Variants in PTPRN2 observed in about 807,000 individuals in gnomAD.
The protein encoded by PTPRN2 is protein tyrosine phosphatase receptor type N2, also known as receptor-type tyrosine-protein phosphatase N2.
Under a neutral mutation model 118.8 loss-of-function variants are expected in PTPRN2, and 74 were observed. That is an observed-to-expected ratio of 0.62 (90% CI 0.52 to 0.76). The LOEUF is 0.76. Ranked by LOEUF, PTPRN2 falls within the 30% of genes least tolerant of loss-of-function variation. The pLI, the probability that PTPRN2 is intolerant of heterozygous loss-of-function variation, is 0.00. For missense variants in PTPRN2, 1,481 were observed against 1,394.4 expected (o/e 1.06, Z -0.99); for synonymous variants, 641 against 608.0 (o/e 1.05, Z -0.80).
At chr7:158,456,987 C>A (rs1022897697) in intron 2 of PTPRN2, among the ~76,000 whole-genome samples, 2 of 152,182 alleles carry the variant, frequency 1.3e-5, no homozygotes, top group African/African-American at 4.8e-5. Flanking sequence ...CATTAGTTAA[C>A]AGCAACTGGT....
intron 2 of PTPRN2, among the ~76,000 whole-genome samples, chr7:158,437,783 T>C (rs1345895498): frequency 6.6e-6 from 1 of 152,240 alleles, no homozygotes; most frequent in Non-Finnish European, 1.5e-5. Flanking sequence ...CAGCCTCTGA[T>C]TCAACTCAAG....
intron 2 of PTPRN2, among the ~76,000 whole-genome samples, chr7:158,469,273 C>G (rs1819667386): frequency 6.6e-6 from 1 of 152,190 alleles, no homozygotes; most frequent in South Asian, 2.1e-4. Context: ...GAAATCCTGT[C>G]TCTACTAAAA....
intron 9 of PTPRN2, among the ~76,000 whole-genome samples, chr7:158,121,701 C>T (rs532496953): frequency 6.6e-6 from 1 of 152,310 alleles, no homozygotes; most frequent in African/African-American, 2.4e-5. Flanking sequence ...CTGAACACAA[C>T]AAGGAAGTCC....
intron 1 of PTPRN2, among the ~76,000 whole-genome samples, chr7:158,586,994 G>A (rs1048393218): frequency 1.3e-5 from 2 of 152,020 alleles, no homozygotes; most frequent in South Asian, 2.1e-4. Context: ...GACCTGCTCC[G>A]AGCCCCCAGT....
chr7:157,705,467 C>T (rs955964189), intron 12 of PTPRN2, among the ~76,000 whole-genome samples: 1 of 152,216 alleles, frequency 6.6e-6, no homozygotes, highest in Admixed American at 6.5e-5. Flanking sequence ...GGGCCACATT[C>T]CCCCAGAATG....
At chr7:157,663,046 G>A (rs1414860579) in intron 13 of PTPRN2, among the ~76,000 whole-genome samples, 3 of 152,022 alleles carry the variant, frequency 2.0e-5, no homozygotes, top group South Asian at 2.1e-4. Context: ...CCTGCCTCAC[G>A]CCGTATCTCA....
At chr7:158,035,282 C>T (rs1808014752) in intron 11 of PTPRN2, among the ~76,000 whole-genome samples, 1 of 152,202 alleles carries the variant, frequency 6.6e-6, no homozygotes, top group African/African-American at 2.4e-5. Flanking sequence ...TTCGAGCACA[C>T]ATTGTAAAAA....
chr7:157,825,712 G>A (rs1807128917), intron 12 of PTPRN2, among the ~76,000 whole-genome samples: 2 of 152,172 alleles, frequency 1.3e-5, no homozygotes, highest in Admixed American at 6.5e-5. Flanking sequence ...CTCTCTCGAG[G>A]CAGACCTCAG....
At chr7:157,860,207 G>A (rs961212343) in intron 12 of PTPRN2, among the ~76,000 whole-genome samples, 1 of 152,214 alleles carries the variant, frequency 6.6e-6, no homozygotes, top group African/African-American at 2.4e-5. Context: ...TGTGGTGGCA[G>A]GGCCCACAGC....
At chr7:158,266,602 C>A (rs1797901981) in intron 3 of PTPRN2, among the ~76,000 whole-genome samples, 2 of 152,308 alleles carry the variant, frequency 1.3e-5, no homozygotes, top group Middle Eastern at 3.4e-3. Context: ...ATTCCGTGAA[C>A]TGAGGAACAG....
intron 2 of PTPRN2, among the ~76,000 whole-genome samples, chr7:158,432,924 C>A (rs1441933209): frequency 1.3e-5 from 2 of 152,242 alleles, no homozygotes. Flanking sequence ...AACAAACACT[C>A]CCACCCAGAC....
At chr7:158,272,279 C>T (rs535530419) in intron 3 of PTPRN2, among the ~76,000 whole-genome samples, 1 of 152,318 alleles carries the variant, frequency 6.6e-6, no homozygotes, top group South Asian at 2.1e-4. Context: ...CGGGCAGGCC[C>T]TGTGGTCTCC....
intron 11 of PTPRN2, among the ~76,000 whole-genome samples, chr7:158,006,311 A>G (rs951415889): frequency 6.6e-6 from 1 of 152,140 alleles, no homozygotes; most frequent in Admixed American, 6.5e-5. Context: ...ATTTTTACCA[A>G]CTTTTCCAAG....
chr7:157,660,880 G>A (rs1033930292), intron 13 of PTPRN2, among the ~76,000 whole-genome samples: 2 of 152,164 alleles, frequency 1.3e-5, no homozygotes, highest in Non-Finnish European at 2.9e-5. Flanking sequence ...TCAGCCTCCC[G>A]AGTAGCTGGA....
chr7:158,133,831 C>A lies in PTPRN2; in HGVS notation c.1402G>T (p.Ala468Ser), dbSNP rs151334443. The change falls in exon 9 of 23, where the codon GCT (alanine) becomes TCT (serine). Residue 468 changes from alanine to serine, a missense_variant. This residue lies in a region of PTPRN2 where 1,115 missense variants were observed against 994.2 expected (regional missense o/e 1.12). Coordinates refer to ENST00000389418, the MANE Select transcript of PTPRN2 (RefSeq NM_002847.5). Reference sequence around the variant, plus strand: ...TGGTTTTGGAGCTCCCCAAACGCAGCGGCCCCGGGCTCCGAATGCGGCTGC... The same window carrying A: ...TGGTTTTGGAGCTCCCCAAACGCAGAGGCCCCGGGCTCCGAATGCGGCTGC... ...GQQPHSEPGA[A>S]AFGELQNQMP... is the part of the protein sequence containing the mutation. 1.2e-6 allele frequency: 2 copies of A among 1,613,842 alleles called. No individual in the cohort carries two copies. Among genetic ancestry groups the A allele is most frequent in the Admixed American group, 3.3e-5 (2 of 60,018 alleles).
intron 10 of PTPRN2, among the ~76,000 whole-genome samples, chr7:158,108,146 C>A (rs1435650508): frequency 6.6e-6 from 1 of 151,920 alleles, no homozygotes; most frequent in Non-Finnish European, 1.5e-5. Context: ...AGTACGTGAC[C>A]CTTTGCTCAC....
rs1802267965 is a variant in PTPRN2, at chr7:157,610,531, C to T, written c.2345-6456G>A. On this transcript the variant is annotated intron_variant, in intron 15 of 22. Transcript: ENST00000389418. This position sits in a 1 kb window ranked among gnomAD's most constrained non-coding sequence, Gnocchi z 5.1. ...AGCTCCTGCTCCGAGTTTATGGTGTCCATCGAGGTCTGAGGGCTGCAAAGG... is the reference window on the plus strand; with the variant it reads ...AGCTCCTGCTCCGAGTTTATGGTGTTCATCGAGGTCTGAGGGCTGCAAAGG... Among the ~76,000 whole-genome samples, 1 of 152,186 alleles carries T rather than the reference C, an allele frequency of 6.6e-6. No homozygotes were observed. Among genetic ancestry groups the T allele is most frequent in the Non-Finnish European group, 1.5e-5 (1 of 68,036 alleles).
At chr7:157,735,110 TGTGCTCAGCTGA>T (rs1800223217) in intron 12 of PTPRN2, among the ~76,000 whole-genome samples, 1 of 152,228 alleles carries the variant, frequency 6.6e-6, no homozygotes, top group East Asian at 1.9e-4. Flanking sequence ...GGGAGCGCCG[TGTGCTCAGCTGA>T]ACACGGCTCC....
chr7:158,315,724 T>C (rs1009153572), intron 3 of PTPRN2, among the ~76,000 whole-genome samples: 2 of 152,146 alleles, frequency 1.3e-5, no homozygotes, highest in South Asian at 2.1e-4. Flanking sequence ...GAGAATATGG[T>C]TGGAAACATT....
Sources: allele counts gnomAD v4.1 joint callset (sites outside exome capture counted in the v4.1 genomes callset), GRCh38; gene constraint gnomAD v4.1.1; regional missense constraint gnomAD v4.1.1; non-coding constraint Gnocchi (gnomAD v3.1); transcripts MANE v1.5; gene names NCBI Gene and HGNC (gene_info 2026-07-23, HGNC 2026-07-21).